EIF2B4: variants seen among roughly 807,000 people sequenced by gnomAD.
EIF2B4 encodes translation initiation factor eIF2B subunit delta.
EIF2B4 carries 34 observed loss-of-function variants against 66.7 expected under a neutral mutation model. The observed-to-expected ratio is 0.51, with a 90% CI of 0.39 to 0.68. The LOEUF (loss-of-function observed/expected upper bound fraction) is 0.68. Among genes scored for constraint, EIF2B4 ranks in the 30% least tolerant of loss-of-function variants. The pLI is 0.00. For missense variants in EIF2B4, 618 were observed against 657.9 expected (o/e 0.94, Z 0.66); for synonymous variants, 278 against 253.6 (o/e 1.10, Z -0.92).
chr2:27,369,888 G>C lies in EIF2B4; in HGVS notation c.63C>G (p.Pro21=). 1 of 1,584,566 alleles carries C rather than the reference G, an allele frequency of 6.3e-7. No homozygotes were observed. The highest frequency in any genetic ancestry group is 2.3e-5 in the East Asian group (1 of 43,004). Residue 21 remains proline (P), a synonymous_variant, in exon 2 of 13, where the codon CCC becomes CCG. Coordinates refer to ENST00000347454, the MANE Select transcript of EIF2B4 (RefSeq NM_001034116.2). ...DSGSGMKAEL[P]PGPGAVGREM... is the part of the protein sequence containing the mutation. ...AAGCCTCACTTACCCCAGGCCCAGG[G>C]GGAAGCTCCGCCTTCATCCCGGATC...
intron 8 of EIF2B4, 53 bp downstream of exon 8, chr2:27,367,692 AG>A: frequency 6.3e-7 from 1 of 1,589,028 alleles, no homozygotes; most frequent in Non-Finnish European, 8.6e-7. Flanking sequence ...CAGGAAAAAG[AG>A]TACAAGACAA....
Position 27,370,241 on chromosome 2 carries a change from G to C in EIF2B4, c.31+43C>G, listed in dbSNP as rs553359107. The C allele has an allele frequency of 1.2e-4, 186 of 1,543,206 alleles. No individual in the cohort carries two copies. The South Asian group carries it at 2.0e-3, about 17-fold the overall frequency. ...GCCCGGCACTAGCTGTCCGGAGCTCGTCGGCTCCGCGTACCAGTAGGCAGG... is the reference window on the plus strand; with the variant it reads ...GCCCGGCACTAGCTGTCCGGAGCTCCTCGGCTCCGCGTACCAGTAGGCAGG... On this transcript the variant is annotated intron_variant, in intron 1 of 12. Transcript: ENST00000347454.
At position 27,369,064 on chromosome 2, in the gene EIF2B4, C is replaced by G. The variant is rs773154770; in HGVS notation, c.360G>C (p.Gly120=). The part of the protein sequence containing the change: ...AERALKQARK[G]EQGGPPPKAS... ...CCTTAGGAGGTGGTCCTCCTTGTTC[C>G]CCTTTTCTTGCCTGTTTCAGGGCCC... The change falls in exon 4 of 13, where the codon GGG becomes GGC. Residue 120 remains glycine (G), a synonymous_variant. Transcript: ENST00000347454. The G allele has an allele frequency of 6.2e-7, 1 of 1,614,102 alleles. No homozygotes were observed. Among genetic ancestry groups the G allele is most frequent in the East Asian group, 2.2e-5 (1 of 44,886 alleles).
intron 11 of EIF2B4, 171 bp from the exon 12 acceptor site, chr2:27,365,069 T>C (rs375892061): frequency 1.4e-5 from 9 of 658,096 alleles, no homozygotes; most frequent in Middle Eastern, 8.3e-4. Context: ...TTTTTTTTTT[T>C]CTTTGAGATG....
chr2:27,366,812 C>CT lies in EIF2B4; in HGVS notation c.1137_1138insA (p.Gly380ArgfsTer52). 6.2e-7 allele frequency: 1 copy of CT among 1,614,210 alleles called. No homozygotes were observed. The highest frequency in any genetic ancestry group is 8.5e-7 in the Non-Finnish European group (1 of 1,180,048). On this transcript the variant is annotated frameshift_variant, in exon 11 of 13. Transcript: ENST00000347454. LOFTEE classifies it high-confidence loss of function. ...ATCAGCAGGTAGGAGGCTGGGACAC[C>CT]AGCATGGACTAGAGAACGTAGTGTG...
At chr2:27,370,106 C>T (rs951586639) in intron 1 of EIF2B4, 178 bp downstream of exon 1, 29 of 1,514,264 alleles carry the variant, frequency 1.9e-5, no homozygotes, top group Non-Finnish European at 2.5e-5. Flanking sequence ...GGTCACCGAC[C>T]CTCCTCACAG....
chr2:27,368,945 G>A (rs1293800966), intron 4 of EIF2B4, 61 bp downstream of exon 4: 1 of 1,600,298 alleles, frequency 6.2e-7, no homozygotes, highest in African/African-American at 1.3e-5. Context: ...TTTACTATTG[G>A]GCAGCCTGAG....
At chr2:27,365,815 G>A (rs1302514234) in intron 11 of EIF2B4, 1 of 152,130 alleles carries the variant, frequency 6.6e-6, no homozygotes, top group Non-Finnish European at 1.5e-5. Context: ...TAATGTTTTT[G>A]CAATAGCTAG....
chr2:27,367,227 A>G (rs1681927625), intron 9 of EIF2B4, 26 bp from the exon 10 acceptor site: 2 of 1,613,960 alleles, frequency 1.2e-6, no homozygotes, highest in South Asian at 1.1e-5. Context: ...TCCTTAGTGA[A>G]CAAGAAATGG....
chr2:27,369,431 G>T lies in EIF2B4; in HGVS notation c.194C>A (p.Ser65Tyr). The T allele has an allele frequency of 6.2e-7, 1 of 1,614,070 alleles. No individual in the cohort carries two copies. The highest frequency in any genetic ancestry group is 8.5e-7 in the Non-Finnish European group (1 of 1,180,030). The change falls in exon 3 of 13, where the codon TCT becomes TAT. Residue 65 changes from serine to tyrosine, a missense_variant. Coordinates refer to ENST00000347454, the MANE Select transcript of EIF2B4 (RefSeq NM_001034116.2). ...GAEPETGSAVSAAQCQVGPTR... is the reference protein window; with the variant it reads ...GAEPETGSAVYAAQCQVGPTR... Reference sequence around the variant, plus strand: ...TCACTCACCTTGACATTGGGCTGCAGATACAGCAGAGCCAGTCTCTGGTTC... The same window carrying T: ...TCACTCACCTTGACATTGGGCTGCATATACAGCAGAGCCAGTCTCTGGTTC...
Position 27,364,493 on chromosome 2 carries a change from G to T in EIF2B4, c.1479C>A (p.Pro493=), listed in dbSNP as rs746868938. The part of the protein sequence containing the change: ...RLLNLVYDVT[P]PELVDLVITE... ...TGATCACCAGATCCACAAGCTCTGGGGGAGTCACATCATAGACTAGATTCA... is the reference window on the plus strand; with the variant it reads ...TGATCACCAGATCCACAAGCTCTGGTGGAGTCACATCATAGACTAGATTCA... The change falls in exon 13 of 13, where the codon CCC becomes CCA. Residue 493 remains proline (P), a synonymous_variant. Transcript: ENST00000347454. 1 of 1,614,176 alleles carries T rather than the reference G, an allele frequency of 6.2e-7. No homozygotes were observed. The highest frequency in any genetic ancestry group is 1.1e-5 in the South Asian group (1 of 91,084).
At position 27,364,359 on chromosome 2, in the gene EIF2B4, G is replaced by A. The variant is rs1217020643; in HGVS notation, c.*41C>T. Reference sequence around the variant, plus strand: ...GAAACAAAGGCAGCAGAGTTGCTGAGGGTAGGGAGTATGGCATTTATTAAC... The same window carrying A: ...GAAACAAAGGCAGCAGAGTTGCTGAAGGTAGGGAGTATGGCATTTATTAAC... On this transcript the variant is annotated 3_prime_UTR_variant, in exon 13 of 13. Coordinates refer to ENST00000347454, the MANE Select transcript of EIF2B4 (RefSeq NM_001034116.2). 2 of 1,595,912 alleles carry A rather than the reference G, an allele frequency of 1.3e-6. No homozygotes were observed. Among genetic ancestry groups the A allele is most frequent in the Non-Finnish European group, 1.7e-6 (2 of 1,166,582 alleles).
At chr2:27,366,734 TG>T (rs1681889131) in intron 11 of EIF2B4, 24 bp downstream of exon 11, 6 of 1,613,934 alleles carry the variant, frequency 3.7e-6, no homozygotes, top group African/African-American at 1.3e-5. Context: ...CCGCCAACTT[TG>T]GAGTCCTTTT....
intron 6 of EIF2B4, 21 bp downstream of exon 6, chr2:27,368,351 G>A (rs761726266): frequency 1.9e-6 from 3 of 1,597,544 alleles, no homozygotes; most frequent in Non-Finnish European, 2.6e-6. Context: ...CAAAAGTTAT[G>A]ACAATTTCAT....
At position 27,367,840 on chromosome 2, in the gene EIF2B4, T is replaced by C; in HGVS notation, c.706-18A>G. ...TGAATCACCTATAGGGTACACAAGG[T>C]GATCTGCAAAATACCCCTTAATAAA... On this transcript the variant is annotated intron_variant, in intron 7 of 12. Transcript: ENST00000347454. The C allele has an allele frequency of 6.2e-7, 1 of 1,610,688 alleles. No individual in the cohort carries two copies. The highest frequency in any genetic ancestry group is 1.1e-5 in the South Asian group (1 of 90,996).
rs71441072 is a variant in EIF2B4, at chr2:27,368,242, C to T, written c.591-103G>A. 0.024 allele frequency: 30,729 copies of T among 1,301,494 alleles called. 517 individuals are homozygous for T. Among genetic ancestry groups the T allele is most frequent in the Non-Finnish European group, 0.025 (22,982 of 914,808 alleles). The allele number at this position is 1,301,494 out of a possible 1,614,324, so 80.6% of individuals were successfully genotyped here. ...CTCCCTTCACTAGCAGATTTCCCCA[C>T]TCCTCTACAGTTCTGCCTTGGGTTC... On this transcript the variant is annotated intron_variant, in intron 6 of 12. Transcript: ENST00000347454.
Position 27,368,677 on chromosome 2 carries a change from C to T in EIF2B4, c.475G>A (p.Val159Ile), listed in dbSNP as rs1214039849. 1.2e-6 allele frequency: 2 copies of T among 1,614,190 alleles called. No individual in the cohort carries two copies. Among genetic ancestry groups the T allele is most frequent in the South Asian group, 1.1e-5 (1 of 91,076 alleles). ...QVDDLLLRRLVKKPERQQVPT... is the reference protein window; with the variant it reads ...QVDDLLLRRLIKKPERQQVPT... ...ACCTGTTGACGCTCTGGTTTTTTAA[C>T]AAGCCTTCTCAGAAGTAGGTCATCA... Residue 159 changes from valine to isoleucine, a missense_variant, in exon 5 of 13, where the codon GTT (valine) becomes ATT (isoleucine). By Grantham distance (29) the Val-to-Ile change is conservative. Transcript: ENST00000347454.
In EIF2B4 at chr2:27,364,535, G is replaced by A. The variant is rs1681697597; in HGVS notation, c.1437C>T (p.His479=). The part of the protein sequence containing the change: ...EHVALANWQN[H]ASLRLLNLVY... The stretch of plus-strand genomic sequence containing the variant: ...CTAGATTCAACAACCGTAGGGATGC[G>A]TGGTTCTGCCAGTTAGCCAGCGCAA... Residue 479 remains histidine, a synonymous_variant, in exon 13 of 13, where the codon CAC becomes CAT. Coordinates refer to ENST00000347454, the MANE Select transcript of EIF2B4 (RefSeq NM_001034116.2). The A allele has an allele frequency of 5.6e-6, 9 of 1,614,074 alleles. No homozygotes were observed. Among genetic ancestry groups the A allele is most frequent in the Admixed American group, 3.3e-5 (2 of 59,998 alleles).
chr2:27,366,459 G>C (rs1401669700), intron 11 of EIF2B4: 1 of 425,032 alleles, frequency 2.4e-6, no homozygotes, highest in East Asian at 5.0e-5. Context: ...GAGACAGGGG[G>C]AACTGCTTGA....
Sources: allele counts gnomAD v4.1 joint callset, GRCh38; gene constraint gnomAD v4.1.1; transcripts MANE v1.5; gene names NCBI Gene and HGNC (gene_info 2026-07-23, HGNC 2026-07-21).